The following COL4A1 variants were observed in gnomAD, a reference collection of about 807,000 sequenced individuals.
COL4A1 encodes collagen type IV alpha 1 chain, also known as collagen alpha-1(IV) chain.
COL4A1 carries 40 observed loss-of-function variants against 216.6 expected under a neutral mutation model. The ratio of observed to expected loss-of-function variants is 0.18; its 90% CI spans 0.14 to 0.24. The LOEUF (loss-of-function observed/expected upper bound fraction) is 0.24. COL4A1 is among the 10% of genes least tolerant of loss of function. COL4A1 has a pLI of 1.00. For synonymous variants in COL4A1, 839 were observed against 810.7 expected (o/e 1.03, Z -0.59); for missense variants, 1,628 against 2,196.8 (o/e 0.74, Z 5.18).
chr13:110,184,203 A>C (rs1878303709), intron 26 of COL4A1, among the ~76,000 whole-genome samples: 1 of 152,172 alleles, frequency 6.6e-6, no homozygotes, highest in Non-Finnish European at 1.5e-5. Context: ...GTGGGGAGAG[A>C]GGATCAACAG....
At chr13:110,193,814 G>C (rs1254582046) in intron 22 of COL4A1, among the ~76,000 whole-genome samples, 1 of 152,222 alleles carries the variant, frequency 6.6e-6, no homozygotes, top group African/African-American at 2.4e-5. Context: ...GGCAGAGCAG[G>C]AGCCCATCAG....
intron 2 of COL4A1, among the ~76,000 whole-genome samples, 197 bp downstream of exon 2, chr13:110,242,478 G>A (rs530206597): frequency 3.0e-4 from 46 of 152,150 alleles, no homozygotes; most frequent in Non-Finnish European, 5.3e-4. Context: ...ACATTCTTTG[G>A]AGAAGAGCTA....
chr13:110,274,439 G>A (rs1166391798), intron 1 of COL4A1, among the ~76,000 whole-genome samples: 1 of 152,202 alleles, frequency 6.6e-6, no homozygotes, highest in Non-Finnish European at 1.5e-5. Flanking sequence ...CAGCCCTCGG[G>A]AGGCTGGTCT....
chr13:110,190,204 G>A (rs932585901), intron 24 of COL4A1, among the ~76,000 whole-genome samples: 7 of 151,990 alleles, frequency 4.6e-5, no homozygotes, highest in African/African-American at 1.5e-4. Context: ...AGGACATCTC[G>A]TGTGCTTTCT....
intron 48 of COL4A1, among the ~76,000 whole-genome samples, chr13:110,161,581 C>T: frequency 6.6e-6 from 1 of 152,204 alleles, no homozygotes; most frequent in East Asian, 1.9e-4. Flanking sequence ...AAGCTGAATT[C>T]TAGAAGGAAC....
chr13:110,231,036 A>G (rs1174290264), intron 2 of COL4A1, among the ~76,000 whole-genome samples: 1 of 152,172 alleles, frequency 6.6e-6, no homozygotes, highest in African/African-American at 2.4e-5. Flanking sequence ...GCATCCATAA[A>G]ACTCCAAGAA....
At chr13:110,153,621 A>T (rs771542530) in intron 50 of COL4A1, among the ~76,000 whole-genome samples, 11 of 152,176 alleles carry the variant, frequency 7.2e-5, no homozygotes, top group Non-Finnish European at 2.9e-5. Context: ...TGATTTCTCT[A>T]TACAGCATTT....
intron 46 of COL4A1, among the ~76,000 whole-genome samples, chr13:110,163,847 G>A (rs1008822781): frequency 2.0e-5 from 3 of 152,166 alleles, no homozygotes; most frequent in Non-Finnish European, 4.4e-5. Context: ...AGGTGATGTG[G>A]AGGGAATGAG....
chr13:110,231,417 C>T (rs637208), intron 2 of COL4A1, among the ~76,000 whole-genome samples: 9,007 of 152,258 alleles, frequency 0.059, 865 homozygotes, highest in African/African-American at 0.2. Context: ...CATGGGCCAC[C>T]GCACCTGAGC....
intron 19 of COL4A1, among the ~76,000 whole-genome samples, chr13:110,201,202 A>G (rs1284699234): frequency 6.7e-6 from 1 of 149,340 alleles, no homozygotes; most frequent in Non-Finnish European, 1.5e-5. Flanking sequence ...ACTAGACAAA[A>G]AGAGGGGAAG....
intron 1 of COL4A1, among the ~76,000 whole-genome samples, chr13:110,266,317 C>T (rs373140828): frequency 7.9e-5 from 12 of 152,214 alleles, no homozygotes; most frequent in Admixed American, 2.0e-4. Flanking sequence ...AGCCACCGTT[C>T]TCCATGTGGG....
chr13:110,152,722 C>T (rs1594527887), intron 50 of COL4A1, among the ~76,000 whole-genome samples: 1 of 152,220 alleles, frequency 6.6e-6, no homozygotes, highest in Non-Finnish European at 1.5e-5. Context: ...TCAGCATGGC[C>T]CCAGGGATCG....
At chr13:110,192,438 G>A (rs1263031372) in intron 23 of COL4A1, among the ~76,000 whole-genome samples, 154 bp from the exon 24 acceptor site, 1 of 152,080 alleles carries the variant, frequency 6.6e-6, no homozygotes, top group Non-Finnish European at 1.5e-5. Context: ...TGCCCAAGAC[G>A]GACTCAGAAA....
chr13:110,216,377 G>C (rs1324177601), intron 2 of COL4A1, among the ~76,000 whole-genome samples: 4 of 152,160 alleles, frequency 2.6e-5, no homozygotes, highest in Non-Finnish European at 5.9e-5. Context: ...TATAGGAAAA[G>C]TCTGCTCAAA....
chr13:110,295,666 T>TC (rs967099553), intron 1 of COL4A1, among the ~76,000 whole-genome samples: 27 of 152,300 alleles, frequency 1.8e-4, no homozygotes, highest in African/African-American at 5.3e-4. Flanking sequence ...CCTCAGGTGA[T>TC]CCACCCGCCT....
At chr13:110,195,622 A>C (rs1365280870) in intron 21 of COL4A1, among the ~76,000 whole-genome samples, 1 of 152,228 alleles carries the variant, frequency 6.6e-6, no homozygotes, top group Non-Finnish European at 1.5e-5. Flanking sequence ...AATTGTTCAC[A>C]TTCAATTCTG....
At chr13:110,237,498 A>G (rs656019) in intron 2 of COL4A1, among the ~76,000 whole-genome samples, 148,984 of 152,208 alleles carry the variant, frequency 0.98, 73,006 homozygotes, top group Middle Eastern at 1. Context: ...GCTGCTCGAC[A>G]TCCTACAATG....
At chr13:110,193,033 G>A (rs1047642046) in intron 22 of COL4A1, 120 bp from the exon 23 acceptor site, 3 of 911,982 alleles carry the variant, frequency 3.3e-6, no homozygotes, top group Non-Finnish European at 5.3e-6. Context: ...ACTTAGGTTT[G>A]CTCAGTGGCA....
At chr13:110,172,826 G>A in intron 40 of COL4A1, 56 bp from the exon 41 acceptor site, 2 of 1,430,986 alleles carry the variant, frequency 1.4e-6, no homozygotes, top group Admixed American at 1.7e-5. Flanking sequence ...TCCATCTGCA[G>A]GTACAACACA....
Sources: allele counts gnomAD v4.1 joint callset (sites outside exome capture counted in the v4.1 genomes callset), GRCh38; gene constraint gnomAD v4.1.1; transcripts MANE v1.5; gene names NCBI Gene and HGNC (gene_info 2026-07-23, HGNC 2026-07-21).